NAPA: variants seen among roughly 807,000 people sequenced by gnomAD.
The protein encoded by NAPA is alpha-soluble NSF attachment protein.
A neutral mutation model predicts 48.0 loss-of-function variants in NAPA; 18 were observed. The ratio of observed to expected loss-of-function variants is 0.38; its 90% CI spans 0.26 to 0.56. NAPA has a LOEUF of 0.56. NAPA is among the 20% of genes least tolerant of loss of function. The pLI is 0.77. For synonymous variants in NAPA, 152 were observed against 149.9 expected (o/e 1.01, Z -0.10); for missense variants, 315 against 385.0 (o/e 0.82, Z 1.52).
downstream of NAPA, among the ~76,000 whole-genome samples, chr19:47,486,510 A>G (rs1968082240): frequency 6.6e-6 from 1 of 152,144 alleles, no homozygotes; most frequent in Admixed American, 6.5e-5. Flanking sequence ...CATGTTGGCT[A>G]GGCTGCTCTC....
At chr19:47,492,696 G>A (rs1245294345) in intron 7 of NAPA, 1 of 622,926 alleles carries the variant, frequency 1.6e-6, no homozygotes, top group Non-Finnish European at 3.0e-6. Flanking sequence ...GCCTCACTCT[G>A]GGCCCCTCCA....
chr19:47,485,434 T>C (rs1968043834), downstream of NAPA, among the ~76,000 whole-genome samples: 1 of 152,206 alleles, frequency 6.6e-6, no homozygotes, highest in South Asian at 2.1e-4. Context: ...TGTGCTGCTT[T>C]GTCCCTAGAA....
intron 8 of NAPA, chr19:47,491,621 T>G: frequency 5.9e-6 from 1 of 170,626 alleles, no homozygotes; most frequent in Non-Finnish European, 1.3e-5. Context: ...ACAGCAGGAG[T>G]CACAAAGATC....
At chr19:47,500,548 G>T in intron 3 of NAPA, 85 bp downstream of exon 3, 1 of 1,156,396 alleles carries the variant, frequency 8.6e-7, no homozygotes, top group Non-Finnish European at 1.2e-6. Context: ...AAAAACCAGA[G>T]CCGCCAGGAA....
At position 47,493,052 on chromosome 19, in the gene NAPA, G is replaced by A; in HGVS notation, c.477-7C>T. 6.2e-7 allele frequency: 1 copy of A among 1,614,168 alleles called. No homozygotes were observed. The highest frequency in any genetic ancestry group is 1.1e-5 in the South Asian group (1 of 91,086). ...CAGACACTTGTTGGCTGAGCTGTGTGGGGAGGAGTAGTGAGGGGAAGTGGT... is the reference window on the plus strand; with the variant it reads ...CAGACACTTGTTGGCTGAGCTGTGTAGGGAGGAGTAGTGAGGGGAAGTGGT... On this transcript the variant is annotated splice_polypyrimidine_tract_variant and splice_region_variant and intron_variant, in intron 6 of 10. Coordinates refer to ENST00000263354, the MANE Select transcript of NAPA (RefSeq NM_003827.4). The surrounding 1 kb of genome is among the most constrained non-coding windows in gnomAD (Gnocchi z 6.4).
chr19:47,510,987 T>C (rs1237272012), intron 1 of NAPA, among the ~76,000 whole-genome samples: 1 of 152,148 alleles, frequency 6.6e-6, no homozygotes, highest in Non-Finnish European at 1.5e-5. Context: ...CCAGAAATAA[T>C]GAAGAGCAAG....
chr19:47,491,270 C>T (rs963520904), intron 8 of NAPA: 4 of 184,280 alleles, frequency 2.2e-5, no homozygotes, highest in African/African-American at 4.8e-5. Flanking sequence ...AGTGACCTGC[C>T]CAGGGCACGG....
intron 1 of NAPA, among the ~76,000 whole-genome samples, chr19:47,508,534 G>A (rs1415456761): frequency 6.6e-6 from 1 of 152,224 alleles, no homozygotes; most frequent in Non-Finnish European, 1.5e-5. Context: ...ATCGCCACAG[G>A]ACCCTCTTGT....
intron 7 of NAPA, 88 bp downstream of exon 7, chr19:47,492,873 G>A (rs755894857): frequency 1.4e-5 from 18 of 1,263,392 alleles, no homozygotes; most frequent in Non-Finnish European, 2.0e-5. Context: ...GGGGAGGGGT[G>A]GTTCCAGAAC....
intron 1 of NAPA, among the ~76,000 whole-genome samples, chr19:47,508,642 T>G (rs1968741493): frequency 6.6e-6 from 1 of 150,914 alleles, no homozygotes; most frequent in African/African-American, 2.4e-5. Flanking sequence ...TGCTAAGTGT[T>G]CGACCTGGGG....
chr19:47,514,040 G>A (rs1466277653), intron 1 of NAPA, among the ~76,000 whole-genome samples: 2 of 151,390 alleles, frequency 1.3e-5, no homozygotes, highest in Non-Finnish European at 2.9e-5. Context: ...GTAGAGACGG[G>A]GTTTCACCAT....
chr19:47,514,750 C>T, intron 1 of NAPA, 93 bp downstream of exon 1: 1 of 1,250,678 alleles, frequency 8.0e-7, no homozygotes, highest in East Asian at 2.5e-5. Context: ...TCCCCTCGGC[C>T]CGAGCTCTGC....
chr19:47,502,399 A>G (rs1402945142), intron 2 of NAPA, among the ~76,000 whole-genome samples: 1 of 152,128 alleles, frequency 6.6e-6, no homozygotes, highest in African/African-American at 2.4e-5. Context: ...TTTTTTCTCT[A>G]GAGGAATTTT....
At chr19:47,508,932 C>T (rs758624558) in intron 1 of NAPA, among the ~76,000 whole-genome samples, 56 of 152,088 alleles carry the variant, frequency 3.7e-4, no homozygotes, top group Middle Eastern at 3.4e-3. Flanking sequence ...AAAAATTAGC[C>T]AGGCATGGTG....
chr19:47,499,251 C>T (rs1313810547), intron 3 of NAPA, among the ~76,000 whole-genome samples: 1 of 152,262 alleles, frequency 6.6e-6, no homozygotes, highest in Non-Finnish European at 1.5e-5. Flanking sequence ...GCAAATGGCA[C>T]TCTCTGTTCG....
In NAPA at chr19:47,506,593, C is replaced by T. The variant is rs916114583; in HGVS notation, c.99-3091G>A. ...GGATGGGCAGAAATGACCCACGTCA[C>T]TGAGTGGCCCACAGCGGGCAATCAA... On this transcript the variant is annotated intron_variant, in intron 1 of 10. Transcript: ENST00000263354. The surrounding 1 kb of genome is among the most constrained non-coding windows in gnomAD (Gnocchi z 4.0). 1.3e-5 allele frequency among the ~76,000 whole-genome samples: 2 copies of T among 152,234 alleles called. No individual in the cohort carries two copies. Among genetic ancestry groups the T allele is most frequent in the Non-Finnish European group, 2.9e-5 (2 of 68,046 alleles).
At chr19:47,501,626 C>G (rs1968578681) in intron 2 of NAPA, 1 of 152,264 alleles carries the variant, frequency 6.6e-6, no homozygotes, top group South Asian at 2.1e-4. Context: ...CAGAAGAGAC[C>G]GTGCCTGAAG....
At chr19:47,495,164 G>C (rs896287162) in intron 4 of NAPA, 2 of 249,592 alleles carry the variant, frequency 8.0e-6, no homozygotes, top group Non-Finnish European at 1.6e-5. Context: ...ACTACACCAG[G>C]CTAATTTGTT....
rs766831162 is a variant in NAPA at position 47,493,500 on chromosome 19, G to A, written c.343-7C>T. ...CCGCAATCGTGAATCGGCCCTGGAG[G>A]GGACACAGGAAGGGGCTGCCTGCGA... On this transcript the variant is annotated splice_region_variant and splice_polypyrimidine_tract_variant and intron_variant, in intron 4 of 10. Coordinates refer to ENST00000263354, the MANE Select transcript of NAPA (RefSeq NM_003827.4). This position sits in a 1 kb window ranked among gnomAD's most constrained non-coding sequence, Gnocchi z 6.4. 6.2e-7 allele frequency: 1 copy of A among 1,613,588 alleles called. No individual in the cohort carries two copies. The highest frequency in any genetic ancestry group is 1.7e-5 in the Admixed American group (1 of 60,016).
Sources: gnomAD v4.1 joint callset for allele counts (sites outside exome capture counted in the v4.1 genomes callset) on GRCh38, gnomAD v4.1.1 for gene constraint, Gnocchi (gnomAD v3.1) non-coding constraint, MANE v1.5 for transcripts, NCBI Gene and HGNC (gene_info 2026-07-23, HGNC 2026-07-21) for gene names.